Variants in RHEX observed in about 807,000 individuals in gnomAD.
RHEX encodes regulator of hemoglobinization and erythroid cell expansion protein.
In RHEX, 18 loss-of-function variants were observed where a neutral mutation model predicts 20.1. The ratio of observed to expected loss-of-function variants is 0.90; its 90% CI spans 0.62 to 1.33. The LOEUF is 1.33. Ranked by LOEUF, RHEX falls within the 40% of genes most tolerant of loss-of-function variation. The pLI is 0.00. For synonymous variants in RHEX, 87 were observed against 77.1 expected, an observed-to-expected ratio of 1.13 and a Z score of -0.67; for missense variants, 192 against 214.3, an observed-to-expected ratio of 0.90 and a Z score of 0.65.
At chr1:206,068,817 ACT>A (rs782153310) in intron 1 of RHEX, among the ~76,000 whole-genome samples, 7 of 152,098 alleles carry the variant, frequency 4.6e-5, no homozygotes, top group Non-Finnish European at 7.4e-5. Context: ...TATTCTTCAA[ACT>A]CTCTTTTATT....
At chr1:206,066,191 C>T (rs1276997178) in intron 1 of RHEX, among the ~76,000 whole-genome samples, 3 of 152,274 alleles carry the variant, frequency 2.0e-5, no homozygotes, top group African/African-American at 7.2e-5. Flanking sequence ...CTACCACTCT[C>T]TGCAGTCTCG....
Position 206,099,683 on chromosome 1 carries a change from G to T in RHEX, c.141G>T (p.Ala47=), listed in dbSNP as rs147405675. ...MAHKSEQILK[A]ASLQVPRPSP... is the part of the protein sequence containing the mutation. ...ACAAGAGTGAACAGATACTGAAAGCGGCCAGTCTCCAGGTTCCCAGGCCCA... is the reference window on the plus strand; with the variant it reads ...ACAAGAGTGAACAGATACTGAAAGCTGCCAGTCTCCAGGTTCCCAGGCCCA... Residue 47 remains alanine (A), a synonymous_variant, in exon 4 of 6, where the codon GCG becomes GCT. Coordinates refer to ENST00000331555, the MANE Select transcript of RHEX (RefSeq NM_001007544.4). 1 of 1,614,054 alleles carries T rather than the reference G, an allele frequency of 6.2e-7. No homozygotes were observed. Among genetic ancestry groups the T allele is most frequent in the Non-Finnish European group, 8.5e-7 (1 of 1,180,004 alleles).
At chr1:206,080,742 C>T (rs1326081023) in intron 1 of RHEX, among the ~76,000 whole-genome samples, 1 of 152,168 alleles carries the variant, frequency 6.6e-6, no homozygotes, top group Non-Finnish European at 1.5e-5. Flanking sequence ...AGCCCTGAAC[C>T]CAGACCTCAG....
Position 206,101,985 on chromosome 1 carries a change from T to G in RHEX, c.*33T>G. On this transcript the variant is annotated 3_prime_UTR_variant, in exon 6 of 6. Transcript: ENST00000331555. ...ATATTTTTAATGGGGTCCAGTTCTCTATGGATTCTTACATTTAATTTGTAG... is the reference window on the plus strand; with the variant it reads ...ATATTTTTAATGGGGTCCAGTTCTCGATGGATTCTTACATTTAATTTGTAG... 1 of 1,490,912 alleles carries G rather than the reference T, an allele frequency of 6.7e-7. No individual in the cohort carries two copies. Among genetic ancestry groups the G allele is most frequent in the Non-Finnish European group, 9.3e-7 (1 of 1,069,618 alleles). 92.4% of individuals were successfully genotyped at this position (1,490,912 alleles called of 1,614,324 possible). A position where few individuals can be genotyped will look rare whatever the true frequency, so the allele number is the denominator to read the frequency against.
At chr1:206,071,124 C>G (rs1299397017) in intron 1 of RHEX, among the ~76,000 whole-genome samples, 8 of 152,182 alleles carry the variant, frequency 5.3e-5, no homozygotes, top group African/African-American at 1.7e-4. Flanking sequence ...GGGAAGCCAA[C>G]AGTGCAGCCT....
chr1:206,098,273 C>T lies in RHEX; in HGVS notation c.112+92C>T, dbSNP rs111949109. ...ACAAGACCCCTTTGGAGTTCCCAAA[C>T]GTCACTCAAAAACCTACCAGAGGAC... On this transcript the variant is annotated intron_variant, in intron 3 of 5. Transcript: ENST00000331555. The T allele has an allele frequency of 2.4e-3, 2,259 of 941,918 alleles. 35 individuals are homozygous for T. In the African/African-American group the frequency reaches 0.027, roughly 11 times the overall value. The allele number at this position is 941,918 out of a possible 1,614,324, so 58.3% of individuals were successfully genotyped here.
intron 1 of RHEX, among the ~76,000 whole-genome samples, chr1:206,090,059 T>C (rs1220079946): frequency 1.3e-5 from 2 of 152,174 alleles, no homozygotes; most frequent in Admixed American, 6.6e-5. Context: ...ATTTGTTAAA[T>C]AATGATTTCC....
intron 1 of RHEX, among the ~76,000 whole-genome samples, chr1:206,075,103 A>T (rs1192028908): frequency 1.3e-5 from 2 of 152,246 alleles, no homozygotes; most frequent in Admixed American, 6.5e-5. Flanking sequence ...AACAGTGATA[A>T]GAAAAAGAGG....
intron 1 of RHEX, chr1:206,060,684 G>A (rs1662293228): frequency 6.6e-6 from 1 of 152,360 alleles, no homozygotes; most frequent in Non-Finnish European, 1.5e-5. Context: ...AAGCCAGCCA[G>A]AGCAGCTGGA....
rs144943728 is a variant in RHEX at position 206,097,054 on chromosome 1, G to A, written c.-96-679G>A. Among the ~76,000 whole-genome samples the A allele has an allele frequency of 3.9e-4, 60 of 152,218 alleles. No individual in the cohort carries two copies. The Middle Eastern group carries it at 0.01, about 26-fold the overall frequency. On this transcript the variant is annotated intron_variant, in intron 1 of 5. Transcript: ENST00000331555. ...CCTCCAAAAGTGCTGGGATTACAGG[G>A]GCAAGCCATCCTACCTGGCCCAAGA...
At chr1:206,082,741 C>A (rs782394635) in intron 1 of RHEX, among the ~76,000 whole-genome samples, 1 of 152,142 alleles carries the variant, frequency 6.6e-6, no homozygotes, top group Non-Finnish European at 1.5e-5. Flanking sequence ...AGTAGTGGAA[C>A]CAGGATTGAA....
rs185127335 is a variant in RHEX at position 206,101,107 on chromosome 1, G to A, written c.257-29G>A. The A allele has an allele frequency of 1.4e-3, 2,287 of 1,599,236 alleles. 2 individuals carry two copies. Among genetic ancestry groups the A allele is most frequent in the Non-Finnish European group, 1.8e-3 (2,052 of 1,170,524 alleles). ...TCTTAACACCCTCTGGCTTGCTTTGGAAGAGGAACCGTTTCTATTTCTCCC... is the reference window on the plus strand; with the variant it reads ...TCTTAACACCCTCTGGCTTGCTTTGAAAGAGGAACCGTTTCTATTTCTCCC... On this transcript the variant is annotated intron_variant, in intron 4 of 5. Coordinates refer to ENST00000331555, the MANE Select transcript of RHEX (RefSeq NM_001007544.4).
At chr1:206,076,069 C>G (rs191270221) in intron 1 of RHEX, among the ~76,000 whole-genome samples, 2 of 151,884 alleles carry the variant, frequency 1.3e-5, no homozygotes, top group African/African-American at 4.8e-5. Context: ...GTACTTGCTG[C>G]GAGAAGCAAA....
intron 1 of RHEX, among the ~76,000 whole-genome samples, chr1:206,087,784 A>G (rs1553286555): frequency 1.3e-5 from 2 of 152,222 alleles, no homozygotes; most frequent in Admixed American, 6.5e-5. Context: ...TTTTTTGGCT[A>G]TAGTTAATAA....
intron 1 of RHEX, among the ~76,000 whole-genome samples, chr1:206,054,999 G>T (rs1553282396): frequency 6.6e-6 from 1 of 152,284 alleles, no homozygotes; most frequent in Non-Finnish European, 1.5e-5. Context: ...TATTCCATCT[G>T]CACTTTAAAC....
chr1:206,082,517 C>CA (rs71568088), intron 1 of RHEX, among the ~76,000 whole-genome samples: 309 of 115,858 alleles, frequency 2.7e-3, no homozygotes, highest in East Asian at 4.2e-3. Context: ...GACTCCGTCT[C>CA]AAAAAAAAAA....
rs990617066 is a variant in RHEX, at chr1:206,055,772, T to A, written c.-97+2507T>A. On this transcript the variant is annotated intron_variant, in intron 1 of 5. Transcript: ENST00000331555. Reference sequence around the variant, plus strand: ...GGGCTACCTGACCTGACAAAACCTTTTACACTCTATGTGTCAGAAAGAGAA... The same window carrying A: ...GGGCTACCTGACCTGACAAAACCTTATACACTCTATGTGTCAGAAAGAGAA... Among the ~76,000 whole-genome samples the A allele has an allele frequency of 1.2e-4, 18 of 152,390 alleles. No homozygotes were observed. In the East Asian group the frequency reaches 3.3e-3, roughly 28 times the overall value.
chr1:206,057,321 C>G (rs1256644638), intron 1 of RHEX, among the ~76,000 whole-genome samples: 1 of 152,242 alleles, frequency 6.6e-6, no homozygotes, highest in African/African-American at 2.4e-5. Flanking sequence ...GATGAATTCC[C>G]AGCCCAAAAG....
At chr1:206,060,847 G>C (rs1558168355) in intron 1 of RHEX, 1 of 152,264 alleles carries the variant, frequency 6.6e-6, no homozygotes, top group Non-Finnish European at 1.5e-5. Context: ...AGTTGAACAA[G>C]CTGGCCCTGG....
Sources: allele counts gnomAD v4.1 joint callset (sites outside exome capture counted in the v4.1 genomes callset), GRCh38; gene constraint gnomAD v4.1.1; transcripts MANE v1.5; gene names NCBI Gene and HGNC (gene_info 2026-07-23, HGNC 2026-07-21).